The following NCOR1 variants were observed in gnomAD, a reference collection of about 807,000 sequenced individuals.
NCOR1 encodes nuclear receptor corepressor 1.
NCOR1 carries 63 observed loss-of-function variants against 288.1 expected under a neutral mutation model. That is an observed-to-expected ratio of 0.22 (90% confidence interval 0.18 to 0.27). The LOEUF (loss-of-function observed/expected upper bound fraction) is 0.27, where lower values mean the gene tolerates loss of function less well. Among genes scored for constraint, NCOR1 ranks in the 10% least tolerant of loss-of-function variants. The probability of loss-of-function intolerance (pLI) is 1.00; values close to 1 mark genes in which losing one functional copy is unlikely to be tolerated. For synonymous variants in NCOR1, 1,007 were observed against 1,065.9 expected (o/e 0.94, Z 1.08); for missense variants, 2,397 against 3,019.2 (o/e 0.79, Z 4.83).
intron 23 of NCOR1, chr17:16,084,461 T>G (rs938079013): frequency 2.6e-5 from 4 of 152,626 alleles, no homozygotes; most frequent in Non-Finnish European, 5.9e-5. Context: ...AGACAGACAT[T>G]GATAAGCTGA....
chr17:16,091,908 T>C lies in NCOR1; in HGVS notation c.2971A>G (p.Thr991Ala), dbSNP rs200816750. 138 of 1,614,084 alleles carry C rather than the reference T, an allele frequency of 8.5e-5. No individual in the cohort carries two copies. Among genetic ancestry groups the C allele is most frequent in the Non-Finnish European group, 1.1e-4 (128 of 1,180,042 alleles). ...CTCTTGGATGTGCCACATGGACTTGTAGAACTTCTACATTCCAAATCTATC... is the reference window on the plus strand; with the variant it reads ...CTCTTGGATGTGCCACATGGACTTGCAGAACTTCTACATTCCAAATCTATC... Reference protein sequence around the residue: ...EQIDLECRSSTSPCGTSKSPN... With the variant: ...EQIDLECRSSASPCGTSKSPN... The change falls in exon 22 of 46, where the codon ACA becomes GCA. Residue 991 changes from threonine to alanine, a missense_variant. Around this residue, in one of 11 missense-constraint regions of NCOR1, gnomAD observed 1,872 missense variants for 2,187.8 expected, o/e 0.86. Transcript: ENST00000268712.
intron 14 of NCOR1, among the ~76,000 whole-genome samples, chr17:16,127,676 T>C: frequency 6.9e-6 from 1 of 145,308 alleles, no homozygotes; most frequent in Non-Finnish European, 1.5e-5. Flanking sequence ...TGTATATATG[T>C]GTATGTGTAT....
At chr17:16,186,776 A>G (rs1377761449) in intron 2 of NCOR1, 89 bp from the exon 3 acceptor site, 2 of 1,160,836 alleles carry the variant, frequency 1.7e-6, no homozygotes, top group African/African-American at 1.5e-5. Flanking sequence ...GTTATGGGCC[A>G]CTAAGTATGG....
chr17:16,116,498 G>A (rs935233895), intron 18 of NCOR1, among the ~76,000 whole-genome samples: 3 of 152,144 alleles, frequency 2.0e-5, no homozygotes, highest in African/African-American at 7.2e-5. Flanking sequence ...AAATTTTAAA[G>A]TGGCAACAAA....
At position 16,079,886 on chromosome 17, in the gene NCOR1, A is replaced by C. The variant is rs1003265101; in HGVS notation, c.3501+78T>G. On this transcript the variant is annotated intron_variant, in intron 26 of 45. Coordinates refer to ENST00000268712, the MANE Select transcript of NCOR1 (RefSeq NM_006311.4). ...GCAGAAAAATGAACTTAAGCCACAA[A>C]ATAGCCAAAGTGCTAAGAATTATTT... 73 of 1,289,478 alleles carry C rather than the reference A, an allele frequency of 5.7e-5. No homozygotes were observed. In the African/African-American group the frequency reaches 9.8e-4, roughly 17 times the overall value. The allele number at this position is 1,289,478 out of a possible 1,614,324, so 79.9% of individuals were successfully genotyped here.
chr17:16,209,682 T>C (rs1364976651), intron 1 of NCOR1, among the ~76,000 whole-genome samples: 2 of 149,648 alleles, frequency 1.3e-5, no homozygotes, highest in African/African-American at 4.9e-5. Flanking sequence ...CCAAGTGCGA[T>C]GGCTCACGCC....
At chr17:16,150,812 G>A (rs982196386) in intron 8 of NCOR1, among the ~76,000 whole-genome samples, 2 of 151,946 alleles carry the variant, frequency 1.3e-5, no homozygotes, top group Non-Finnish European at 2.9e-5. Flanking sequence ...TATTATATGT[G>A]AGTTTTGACT....
intron 19 of NCOR1, among the ~76,000 whole-genome samples, chr17:16,102,045 T>C (rs2067709839): frequency 6.6e-6 from 1 of 152,202 alleles, no homozygotes; most frequent in African/African-American, 2.4e-5. Flanking sequence ...ATAATTTATA[T>C]GAAATTGAAA....
At chr17:16,064,567 C>T (rs1384622566) in intron 34 of NCOR1, among the ~76,000 whole-genome samples, 1 of 151,352 alleles carries the variant, frequency 6.6e-6, no homozygotes, top group Non-Finnish European at 1.5e-5. Context: ...CACACCACTG[C>T]GCTCCAGCCT....
intron 15 of NCOR1, among the ~76,000 whole-genome samples, chr17:16,125,354 C>T (rs770944890): frequency 3.9e-5 from 6 of 151,924 alleles, no homozygotes; most frequent in Non-Finnish European, 7.4e-5. Context: ...CAGACTGAGG[C>T]TCTGTCTCGA....
chr17:16,035,703 G>A (rs940572935), intron 44 of NCOR1, among the ~76,000 whole-genome samples: 1 of 151,506 alleles, frequency 6.6e-6, no homozygotes, highest in Admixed American at 6.6e-5. Flanking sequence ...CACCACACCC[G>A]GCTACTTTTT....
At chr17:16,045,811 A>T (rs1012579333) in intron 42 of NCOR1, among the ~76,000 whole-genome samples, 16 of 147,012 alleles carry the variant, frequency 1.1e-4, no homozygotes, top group South Asian at 2.1e-4. Context: ...CAGACAATTT[A>T]AAAAAAATTT....
At chr17:16,074,945 G>A (rs2062231170) in intron 27 of NCOR1, among the ~76,000 whole-genome samples, 1 of 152,136 alleles carries the variant, frequency 6.6e-6, no homozygotes, top group Non-Finnish European at 1.5e-5. Context: ...TCAGCTCACT[G>A]CAAGTTCTGC....
chr17:16,090,086 C>A (rs751075652), intron 22 of NCOR1, among the ~76,000 whole-genome samples: 10 of 151,986 alleles, frequency 6.6e-5, no homozygotes, highest in Non-Finnish European at 1.3e-4. Flanking sequence ...CAGAGAAATA[C>A]AATTCACAGT....
At chr17:16,044,853 G>C (rs1331215943) in intron 42 of NCOR1, 3 of 889,014 alleles carry the variant, frequency 3.4e-6, no homozygotes, top group Non-Finnish European at 5.5e-6. Flanking sequence ...GCACCAGTGG[G>C]ATCCTGCCCA....
In NCOR1 at chr17:16,080,607, C is replaced by G; in HGVS notation, c.3298G>C (p.Ala1100Pro). The change falls in exon 24 of 46, where the codon GCT becomes CCT. Residue 1100 changes from alanine to proline, a missense_variant and splice_region_variant. Physicochemically the swap from Ala to Pro is conservative, Grantham distance 27. Transcript: ENST00000268712. Reference protein sequence around the residue: ...LPRQQESAKSATLPYIKQEEF... With the variant: ...LPRQQESAKSPTLPYIKQEEF... Reference sequence around the variant, plus strand: ...ATTATGACTGTATTAACTCACTGACCTGATTTGGCAGATTCCTGTTGCCGT... The same window carrying G: ...ATTATGACTGTATTAACTCACTGACGTGATTTGGCAGATTCCTGTTGCCGT... The G allele has an allele frequency of 6.2e-7, 1 of 1,614,058 alleles. No homozygotes were observed. The highest frequency in any genetic ancestry group is 8.5e-7 in the Non-Finnish European group (1 of 1,179,984).
chr17:16,123,959 T>C lies in NCOR1; in HGVS notation c.1634+2123A>G, dbSNP rs568307798. 2.0e-5 allele frequency among the ~76,000 whole-genome samples: 3 copies of C among 152,342 alleles called. 1 individual carries two copies. In the South Asian group the frequency reaches 6.2e-4, roughly 32 times the overall value. On this transcript the variant is annotated intron_variant, in intron 15 of 45. Transcript: ENST00000268712. ...GCTCACATAGATAATAAATAAAAGCTTGTTAAATAGTTTAGAAATTTTAAC... is the reference window on the plus strand; with the variant it reads ...GCTCACATAGATAATAAATAAAAGCCTGTTAAATAGTTTAGAAATTTTAAC...
chr17:16,066,160 T>G (rs140190125), intron 32 of NCOR1, among the ~76,000 whole-genome samples: 34 of 152,324 alleles, frequency 2.2e-4, no homozygotes, highest in African/African-American at 7.9e-4. Context: ...GGAGCAGAGA[T>G]TGGCAAACTT....
intron 44 of NCOR1, 79 bp downstream of exon 44, chr17:16,039,354 A>G (rs762872842): frequency 4.6e-6 from 6 of 1,291,826 alleles, no homozygotes; most frequent in East Asian, 2.4e-5. Flanking sequence ...GAAATGTCTT[A>G]GTGATGCATC....
Sources: allele counts gnomAD v4.1 joint callset (sites outside exome capture counted in the v4.1 genomes callset), GRCh38; gene constraint gnomAD v4.1.1; regional missense constraint gnomAD v4.1.1; transcripts MANE v1.5; gene names NCBI Gene and HGNC (gene_info 2026-07-23, HGNC 2026-07-21).